Variants in RAPGEF2 observed in about 807,000 individuals in gnomAD.
The protein encoded by RAPGEF2 is PDZ domain containing guanine nucleotide exchange factor (GEF) 1.
A neutral mutation model predicts 186.7 loss-of-function variants in RAPGEF2; 54 were observed. That is an observed-to-expected ratio of 0.29 (90% CI 0.23 to 0.36). The LOEUF (loss-of-function observed/expected upper bound fraction) is 0.36, where lower values mean the gene tolerates loss of function less well. Ranked by LOEUF, RAPGEF2 falls within the 10% of genes least tolerant of loss-of-function variation. The pLI, the probability that RAPGEF2 is intolerant of heterozygous loss-of-function variation, is 1.00. For synonymous variants in RAPGEF2, 712 were observed against 705.9 expected (o/e 1.01, Z -0.14); for missense variants, 1,532 against 2,045.0 (o/e 0.75, Z 4.84).
intron 6 of RAPGEF2, among the ~76,000 whole-genome samples, chr4:159,241,804 A>G (rs1239897084): frequency 6.6e-6 from 1 of 151,918 alleles, no homozygotes; most frequent in African/African-American, 2.4e-5. Flanking sequence ...TCCCAACCCA[A>G]ATGACTGCTG....
intron 3 of RAPGEF2, among the ~76,000 whole-genome samples, chr4:159,200,303 A>T (rs542608245): frequency 6.6e-6 from 1 of 151,720 alleles, no homozygotes; most frequent in African/African-American, 2.4e-5. Flanking sequence ...CCCTATCTCT[A>T]AAAAAATACA....
At chr4:159,218,863 G>GTAGCCCTTACTAATTAGTAAGGGCTAC (rs1281737060) in intron 4 of RAPGEF2, among the ~76,000 whole-genome samples, 2 of 152,178 alleles carry the variant, frequency 1.3e-5, no homozygotes, top group African/African-American at 4.8e-5. Flanking sequence ...TACTAAGTGT[G>GTAGCCCTTACTAATTAGTAAGGGCTAC]TAAGAACTGC....
intron 7 of RAPGEF2, among the ~76,000 whole-genome samples, chr4:159,255,186 A>C (rs1403203906): frequency 6.6e-6 from 1 of 152,144 alleles, no homozygotes; most frequent in Non-Finnish European, 1.5e-5. Context: ...GTACACTCCC[A>C]TGATGTTTGT....
intron 1 of RAPGEF2, among the ~76,000 whole-genome samples, chr4:159,172,128 AT>A (rs35789819): frequency 2.0e-4 from 31 of 152,154 alleles, no homozygotes; most frequent in South Asian, 2.1e-4. Flanking sequence ...TTAATCTCTC[AT>A]TTTGCCACAC....
At chr4:159,307,446 C>T (rs150234169) in intron 8 of RAPGEF2, among the ~76,000 whole-genome samples, 3 of 152,174 alleles carry the variant, frequency 2.0e-5, no homozygotes, top group African/African-American at 4.8e-5. Context: ...AAACATTTAT[C>T]GAAGAGTTCC....
intron 7 of RAPGEF2, among the ~76,000 whole-genome samples, chr4:159,261,408 C>T (rs1200307561): frequency 2.6e-5 from 4 of 152,114 alleles, no homozygotes; most frequent in Non-Finnish European, 5.9e-5. Context: ...TAAATCCTAA[C>T]AGTTATTATT....
intron 7 of RAPGEF2, among the ~76,000 whole-genome samples, chr4:159,303,093 C>T (rs1762864837): frequency 2.6e-5 from 4 of 151,990 alleles, no homozygotes; most frequent in Admixed American, 2.6e-4. Flanking sequence ...ATATAATTCA[C>T]TTAAGGTAGA....
intron 1 of RAPGEF2, among the ~76,000 whole-genome samples, chr4:159,170,990 T>C (rs1745856726): frequency 1.3e-5 from 2 of 152,228 alleles, no homozygotes; most frequent in African/African-American, 4.8e-5. Flanking sequence ...TGGTACCTTT[T>C]TTGAGAATCA....
intron 9 of RAPGEF2, among the ~76,000 whole-genome samples, chr4:159,315,480 G>T (rs942736747): frequency 1.3e-5 from 2 of 152,102 alleles, no homozygotes; most frequent in Non-Finnish European, 2.9e-5. Flanking sequence ...AGAGACGAGA[G>T]AGTGTAGAAA....
chr4:159,347,714 G>C (rs1287554220), intron 25 of RAPGEF2, among the ~76,000 whole-genome samples: 3 of 152,210 alleles, frequency 2.0e-5, no homozygotes, highest in Non-Finnish European at 2.9e-5. Flanking sequence ...AACCCGGGAG[G>C]GGGAGCTTGC....
intron 1 of RAPGEF2, among the ~76,000 whole-genome samples, chr4:159,138,914 T>G (rs1404978687): frequency 1.3e-5 from 2 of 152,172 alleles, no homozygotes; most frequent in Non-Finnish European, 2.9e-5. Flanking sequence ...GTGAAGGAAA[T>G]TTCTGGGGAC....
chr4:159,160,480 A>G (rs779057395), intron 1 of RAPGEF2, among the ~76,000 whole-genome samples: 2 of 152,228 alleles, frequency 1.3e-5, no homozygotes, highest in Non-Finnish European at 2.9e-5. Context: ...CTCATGTAAC[A>G]TGGATATTGT....
intron 7 of RAPGEF2, among the ~76,000 whole-genome samples, chr4:159,297,091 T>C (rs1762110705): frequency 6.6e-6 from 1 of 152,194 alleles, no homozygotes; most frequent in Non-Finnish European, 1.5e-5. Flanking sequence ...AGTAGCTAAT[T>C]CCACCACATA....
intron 7 of RAPGEF2, among the ~76,000 whole-genome samples, chr4:159,247,768 T>C (rs1754815426): frequency 6.9e-6 from 1 of 144,674 alleles, no homozygotes; most frequent in Non-Finnish European, 1.5e-5. Context: ...TTTTTTTTTT[T>C]TTTTTTTTTT....
Position 159,104,093 on chromosome 4 carries a change from A to C in RAPGEF2, c.-70A>C. 3 of 1,038,640 alleles carry C rather than the reference A, an allele frequency of 2.9e-6. No individual in the cohort carries two copies. The highest frequency in any genetic ancestry group is 3.8e-6 in the Non-Finnish European group (3 of 783,144). 64.3% of individuals were successfully genotyped at this position (1,038,640 alleles called of 1,614,324 possible). ...CGGGCGCAGCGCGCAGGGCGGAGGC[A>C]GCAGCGGCGCTGGGCCGGGAGGAGG... is the stretch of plus-strand genomic sequence containing the variant. On this transcript the variant is annotated 5_prime_UTR_variant, in exon 1 of 30. Coordinates refer to ENST00000691494, the MANE Select transcript of RAPGEF2 (RefSeq NM_001394067.2).
intron 1 of RAPGEF2, chr4:159,128,817 G>T (rs1408543351): frequency 1.4e-5 from 2 of 147,802 alleles, no homozygotes. Context: ...ACTTTAAAGA[G>T]TGGCAAAGTC....
At chr4:159,326,566 C>T (rs1765953252) in intron 11 of RAPGEF2, 1 of 152,130 alleles carries the variant, frequency 6.6e-6, no homozygotes, top group Admixed American at 6.6e-5. Context: ...GTTTGGATCC[C>T]ATGATATGGT....
intron 1 of RAPGEF2, among the ~76,000 whole-genome samples, chr4:159,152,784 A>T (rs1441630935): frequency 6.6e-6 from 1 of 151,620 alleles, no homozygotes; most frequent in Non-Finnish European, 1.5e-5. Flanking sequence ...CGCCTGGCTA[A>T]TTTTTTTTGT....
At position 159,340,668 on chromosome 4, in the gene RAPGEF2, C is replaced by CAA. The variant is rs1491113669; in HGVS notation, c.2535-895_2535-894insAA. 1.9e-3 allele frequency among the ~76,000 whole-genome samples: 26 copies of CAA among 13,822 alleles called. 1 individual carries two copies. The highest frequency in any genetic ancestry group is 9.1e-3 in the African/African-American group (23 of 2,538). 9.1% of individuals were successfully genotyped at this position (13,822 alleles called of 152,430 possible). On this transcript the variant is annotated intron_variant, in intron 19 of 29. Coordinates refer to ENST00000691494, the MANE Select transcript of RAPGEF2 (RefSeq NM_001394067.2). ...AAACAAAAAATACCACCACCATCAC[C>CAA]ACACACACACACACACACACACACA...
Sources: allele counts gnomAD v4.1 joint callset (sites outside exome capture counted in the v4.1 genomes callset), GRCh38; gene constraint gnomAD v4.1.1; transcripts MANE v1.5; gene names NCBI Gene and HGNC (gene_info 2026-07-23, HGNC 2026-07-21).